The following RACGAP1 variants were observed in gnomAD, a reference collection of about 807,000 sequenced individuals.
RACGAP1 encodes the protein Rac GTPase activating protein 1.
A neutral mutation model predicts 78.1 loss-of-function variants in RACGAP1; 30 were observed. That is an observed-to-expected ratio of 0.38 (90% CI 0.29 to 0.52). The LOEUF (loss-of-function observed/expected upper bound fraction) is 0.52, where lower values mean the gene tolerates loss of function less well. Ranked by LOEUF, RACGAP1 falls within the 20% of genes least tolerant of loss-of-function variation. The pLI is 0.82. For synonymous variants in RACGAP1, 231 were observed against 264.8 expected, an observed-to-expected ratio of 0.87 and a Z score of 1.24; for missense variants, 587 against 777.1, an observed-to-expected ratio of 0.76 and a Z score of 2.91.
intron 7 of RACGAP1, among the ~76,000 whole-genome samples, chr12:50,000,278 G>C (rs1336554366): frequency 6.6e-6 from 1 of 152,020 alleles, no homozygotes; most frequent in Non-Finnish European, 1.5e-5. Context: ...CTCCCAAAGT[G>C]CTAGGATTAC....
chr12:49,990,648 T>C, intron 16 of RACGAP1, 36 bp downstream of exon 16: 1 of 1,477,632 alleles, frequency 6.8e-7, no homozygotes, highest in Non-Finnish European at 9.3e-7. Flanking sequence ...AGAAAGTAGT[T>C]GTTTTTTATT....
chr12:49,991,384 T>G, intron 15 of RACGAP1, among the ~76,000 whole-genome samples: 1 of 141,222 alleles, frequency 7.1e-6, no homozygotes, highest in Admixed American at 7.4e-5. Context: ...AAGTAAATGA[T>G]AAATAAGATT....
At chr12:50,015,667 T>C (rs560056818) in intron 2 of RACGAP1, among the ~76,000 whole-genome samples, 62 of 151,914 alleles carry the variant, frequency 4.1e-4, no homozygotes, top group Middle Eastern at 6.8e-3. Flanking sequence ...CCGGACGTGG[T>C]GGCGGGCGCC....
Position 50,005,876 on chromosome 12 carries a change from C to T in RACGAP1, c.289-484G>A, listed in dbSNP as rs1592173849. ...ACACTGTATACCAAGATGGATTAGT[C>T]CCTCCCAGTAAAGGCTTTCCTTTGC... is the stretch of plus-strand genomic sequence containing the variant. On this transcript the variant is annotated intron_variant, in intron 3 of 16. Coordinates refer to ENST00000312377, the MANE Select transcript of RACGAP1 (RefSeq NM_001319999.2). 2.0e-5 allele frequency among the ~76,000 whole-genome samples: 3 copies of T among 152,298 alleles called. No homozygotes were observed. In the South Asian group the frequency reaches 6.2e-4, roughly 32 times the overall value.
Position 50,016,709 on chromosome 12 carries a change from T to C in RACGAP1, c.7A>G (p.Thr3Ala). The change falls in exon 2 of 17, where the codon ACT (threonine) becomes GCT (alanine). Residue 3 changes from threonine to alanine, a missense_variant. Physicochemically the swap from Thr to Ala is moderately conservative, Grantham distance 58. Transcript: ENST00000312377. The stretch of plus-strand genomic sequence containing the variant: ...AGATTCCGCACATTCAGCATCATAG[T>C]ATCCATCTTTCTGCCAAGAAATCAA... MD[T>A]MMLNVRNLFE... 1 of 1,613,688 alleles carries C rather than the reference T, an allele frequency of 6.2e-7. No homozygotes were observed. Among genetic ancestry groups the C allele is most frequent in the Non-Finnish European group, 8.5e-7 (1 of 1,179,978 alleles).
chr12:50,016,119 C>T (rs1401850828), intron 2 of RACGAP1, among the ~76,000 whole-genome samples: 1 of 152,160 alleles, frequency 6.6e-6, no homozygotes, highest in Non-Finnish European at 1.5e-5. Flanking sequence ...CGGTGGCTCA[C>T]GCCTGTAATC....
Position 49,990,170 on chromosome 12 carries a change from C to A in RACGAP1, c.*98G>T. ...AACTTGAGTAAAAGCCTGGAGAATG[C>A]TAAAAGTAGTAATGAGTACAGGAGG... On this transcript the variant is annotated 3_prime_UTR_variant, in exon 17 of 17. Transcript: ENST00000312377. The A allele has an allele frequency of 1.0e-6, 1 of 994,948 alleles. No homozygotes were observed. Among genetic ancestry groups the A allele is most frequent in the Non-Finnish European group, 1.5e-6 (1 of 654,222 alleles). 61.6% of individuals were successfully genotyped at this position (994,948 alleles called of 1,614,324 possible). A position where few individuals can be genotyped will look rare whatever the true frequency, so the allele number is the denominator to read the frequency against.
chr12:50,010,409 C>T (rs755640717), intron 2 of RACGAP1, among the ~76,000 whole-genome samples: 2 of 151,712 alleles, frequency 1.3e-5, no homozygotes, highest in African/African-American at 4.8e-5. Flanking sequence ...CCACAACCTC[C>T]ACCTCCTGGG....
At chr12:50,008,959 G>A (rs1396144418) in intron 2 of RACGAP1, among the ~76,000 whole-genome samples, 1 of 152,090 alleles carries the variant, frequency 6.6e-6, no homozygotes, top group Non-Finnish European at 1.5e-5. Context: ...GTACCAGCCT[G>A]CCATGAAGTG....
upstream of RACGAP1, among the ~76,000 whole-genome samples, chr12:50,028,622 A>T (rs1312879085): frequency 6.6e-6 from 1 of 151,432 alleles, no homozygotes; most frequent in African/African-American, 2.4e-5. Context: ...TGCGAAAAAA[A>T]TTAGCCAAGT....
In RACGAP1 at chr12:49,991,869, T is replaced by C. The variant is rs970434100; in HGVS notation, c.1714+129A>G. ...ATGGAAAAGCAAAAAAAAATTACGA[T>C]GGTAGAATTATACAAATTTTCCTTT... On this transcript the variant is annotated intron_variant, in intron 15 of 16. Transcript: ENST00000312377. 10 of 1,526,086 alleles carry C rather than the reference T, an allele frequency of 6.6e-6. 1 individual carries two copies. Among genetic ancestry groups the C allele is most frequent in the South Asian group, 5.0e-5 (4 of 79,280 alleles). The allele number at this position is 1,526,086 out of a possible 1,614,324, so 94.5% of individuals were successfully genotyped here.
intron 2 of RACGAP1, among the ~76,000 whole-genome samples, chr12:50,008,169 GAAAAAAAAAAAAAA>G (rs71441313): frequency 4.9e-5 from 3 of 60,682 alleles, no homozygotes; most frequent in African/African-American, 2.3e-4. Flanking sequence ...TGAGAAATGT[GAAAAAAAAAAAAAA>G]AAAAAAAAAA....
At chr12:50,028,988 T>C (rs991962810), upstream of RACGAP1, among the ~76,000 whole-genome samples, 5 of 151,678 alleles carry the variant, frequency 3.3e-5, no homozygotes, top group African/African-American at 1.2e-4. Context: ...GAGGCCGAGG[T>C]GGGCAGATCA....
chr12:50,023,247 T>C (rs1565708378), intron 1 of RACGAP1, among the ~76,000 whole-genome samples: 1 of 152,246 alleles, frequency 6.6e-6, no homozygotes, highest in East Asian at 1.9e-4. Flanking sequence ...AAAAACATTT[T>C]ATGGCTCTTA....
At chr12:50,011,486 G>A (rs1949327306) in intron 2 of RACGAP1, among the ~76,000 whole-genome samples, 1 of 152,112 alleles carries the variant, frequency 6.6e-6, no homozygotes, top group African/African-American at 2.4e-5. Flanking sequence ...CAGCACTTTG[G>A]GAGGCCGAGG....
chr12:50,002,169 G>T, intron 6 of RACGAP1, 78 bp downstream of exon 6: 1 of 1,111,600 alleles, frequency 9.0e-7, no homozygotes, highest in Non-Finnish European at 1.3e-6. Flanking sequence ...TGACAGGAAT[G>T]CAGTATCATG....
chr12:50,021,859 TTGAGGACAATG>T (rs2137696242), intron 1 of RACGAP1, among the ~76,000 whole-genome samples: 1 of 152,320 alleles, frequency 6.6e-6, no homozygotes, highest in South Asian at 2.1e-4. Flanking sequence ...AGGAACACAT[TTGAGGACAATG>T]TGAGGACAAT....
intron 6 of RACGAP1, 124 bp from the exon 7 acceptor site, chr12:50,001,376 C>T (rs1223186642): frequency 3.2e-6 from 2 of 617,424 alleles, no homozygotes; most frequent in African/African-American, 3.7e-5. Flanking sequence ...AAATAACAAA[C>T]AATGTGTTCT....
intron 1 of RACGAP1, chr12:50,019,667 C>G (rs1032257283): frequency 1.3e-5 from 2 of 149,726 alleles, no homozygotes; most frequent in African/African-American, 4.9e-5. Context: ...TTGAGACCAC[C>G]CTGATCATCA....
Sources: allele counts gnomAD v4.1 joint callset (sites outside exome capture counted in the v4.1 genomes callset), GRCh38; gene constraint gnomAD v4.1.1; transcripts MANE v1.5; gene names NCBI Gene and HGNC (gene_info 2026-07-23, HGNC 2026-07-21).